DPP10: variants seen among roughly 807,000 people sequenced by gnomAD.
The protein encoded by DPP10 is dipeptidyl peptidase like 10.
A neutral mutation model predicts 120.9 loss-of-function variants in DPP10; 33 were observed. The observed-to-expected ratio is 0.27, with a 90% CI of 0.21 to 0.37. The LOEUF (loss-of-function observed/expected upper bound fraction) is 0.37, where lower values mean the gene tolerates loss of function less well. Among genes scored for constraint, DPP10 ranks in the 10% least tolerant of loss-of-function variants. The pLI is 1.00. For missense variants in DPP10, 816 were observed against 942.8 expected (o/e 0.87, Z 1.76); for synonymous variants, 337 against 326.1 (o/e 1.03, Z -0.36).
intron 1 of DPP10, among the ~76,000 whole-genome samples, chr2:114,876,287 C>T (rs1374378757): frequency 6.6e-6 from 1 of 152,018 alleles, no homozygotes. Flanking sequence ...GCAGGAAAAG[C>T]CACAGAGCAG....
chr2:115,645,282 C>T (rs937980632), intron 5 of DPP10, among the ~76,000 whole-genome samples: 1 of 152,138 alleles, frequency 6.6e-6, no homozygotes, highest in East Asian at 1.9e-4. Flanking sequence ...CAGTTACCAA[C>T]ATTGAATATT....
chr2:115,676,028 G>A (rs1333887734), intron 5 of DPP10, among the ~76,000 whole-genome samples: 1 of 152,128 alleles, frequency 6.6e-6, no homozygotes, highest in Non-Finnish European at 1.5e-5. Context: ...GCACAGTGAG[G>A]AAGCTTTCCC....
At chr2:114,718,105 C>T (rs1218756398) in intron 1 of DPP10, among the ~76,000 whole-genome samples, 1 of 151,676 alleles carries the variant, frequency 6.6e-6, no homozygotes, top group Non-Finnish European at 1.5e-5. Flanking sequence ...AACAGGGACT[C>T]CATAGTTCAA....
At chr2:115,040,400 A>G (rs1333786488) in intron 1 of DPP10, among the ~76,000 whole-genome samples, 1 of 152,162 alleles carries the variant, frequency 6.6e-6, no homozygotes, top group Non-Finnish European at 1.5e-5. Flanking sequence ...AAATATTTCT[A>G]AAAGTTTGAA....
chr2:115,377,001 A>G (rs368058234), intron 3 of DPP10, among the ~76,000 whole-genome samples: 3 of 149,958 alleles, frequency 2.0e-5, no homozygotes, highest in East Asian at 3.9e-4. Context: ...GAATAATGCC[A>G]CAATAAACAT....
At chr2:115,043,415 C>G (rs1269191669) in intron 1 of DPP10, among the ~76,000 whole-genome samples, 1 of 152,074 alleles carries the variant, frequency 6.6e-6, no homozygotes, top group African/African-American at 2.4e-5. Context: ...TTTCAAAGTA[C>G]CCTCATCACA....
intron 1 of DPP10, among the ~76,000 whole-genome samples, chr2:114,745,286 C>A (rs923370766): frequency 1.3e-5 from 2 of 152,158 alleles, no homozygotes; most frequent in Non-Finnish European, 2.9e-5. Flanking sequence ...GGAGGAGGTA[C>A]CTGCCTCATG....
intron 1 of DPP10, among the ~76,000 whole-genome samples, chr2:114,927,024 T>C (rs1158893138): frequency 2.0e-5 from 3 of 151,874 alleles, no homozygotes; most frequent in African/African-American, 7.3e-5. Flanking sequence ...TAATTTTTTG[T>C]ATTTTTAGTA....
At chr2:115,163,814 G>T (rs796401435) in intron 1 of DPP10, among the ~76,000 whole-genome samples, 8 of 152,268 alleles carry the variant, frequency 5.3e-5, no homozygotes, top group African/African-American at 1.9e-4. Flanking sequence ...ACAGTTCAGT[G>T]ATGGTGGAAG....
At chr2:115,688,054 G>A (rs909880895) in intron 5 of DPP10, among the ~76,000 whole-genome samples, 6 of 151,668 alleles carry the variant, frequency 4.0e-5, no homozygotes, top group Admixed American at 1.3e-4. Flanking sequence ...GAGAGAGAGA[G>A]AAAATATTGA....
intron 1 of DPP10, among the ~76,000 whole-genome samples, chr2:114,891,033 C>T (rs870598): frequency 0.35 from 53,545 of 152,000 alleles, 10,499 homozygotes; most frequent in South Asian, 0.49. Flanking sequence ...AAATTGCATC[C>T]TAATGACAGA....
Position 115,341,013 on chromosome 2 carries a change from A to G in DPP10, c.176-2804A>G, listed in dbSNP as rs567433658. Among the ~76,000 whole-genome samples, 13 of 152,248 alleles carry G rather than the reference A, an allele frequency of 8.5e-5. 1 individual carries two copies. The South Asian group carries it at 2.1e-3, about 24-fold the overall frequency. On this transcript the variant is annotated intron_variant, in intron 2 of 25. Transcript: ENST00000410059. ...TTTAAAAATTTTGAAACTTATCTAT[A>G]TCAAACTTTTGTTTTATTGAGATAC... is the stretch of plus-strand genomic sequence containing the variant.
chr2:114,757,810 C>T (rs1679923197), intron 1 of DPP10, among the ~76,000 whole-genome samples: 1 of 152,092 alleles, frequency 6.6e-6, no homozygotes. Context: ...CACGTGTTTC[C>T]GATGTGTCCT....
intron 5 of DPP10, among the ~76,000 whole-genome samples, chr2:115,682,023 C>T (rs530028244): frequency 6.6e-6 from 1 of 151,966 alleles, no homozygotes; most frequent in South Asian, 2.1e-4. Flanking sequence ...TTCATCCTTA[C>T]AATTCTAGTT....
At chr2:114,703,314 T>C (rs1341932591) in intron 1 of DPP10, among the ~76,000 whole-genome samples, 4 of 152,188 alleles carry the variant, frequency 2.6e-5, no homozygotes. Context: ...GAAACAAATA[T>C]ACTTTTTAAA....
At position 114,876,299 on chromosome 2, in the gene DPP10, G is replaced by A. The variant is rs191363902; in HGVS notation, c.61-432940G>A. Reference sequence around the variant, plus strand: ...AGAGCAGGAAAAGCCACAGAGCAGAGCAGATGGGGAATAAAGTTCTTTGTT... The same window carrying A: ...AGAGCAGGAAAAGCCACAGAGCAGAACAGATGGGGAATAAAGTTCTTTGTT... On this transcript the variant is annotated intron_variant, in intron 1 of 25. Coordinates refer to ENST00000410059, the MANE Select transcript of DPP10 (RefSeq NM_020868.6). Among the ~76,000 whole-genome samples, 345 of 152,164 alleles carry A rather than the reference G, an allele frequency of 2.3e-3. 7 individuals carry two copies. Among genetic ancestry groups the A allele is most frequent in the East Asian group, 3.9e-4 (2 of 5,172 alleles).
chr2:115,178,030 C>T (rs191345446), intron 1 of DPP10, among the ~76,000 whole-genome samples: 154 of 152,256 alleles, frequency 1.0e-3, no homozygotes, highest in African/African-American at 3.7e-3. Context: ...CCCAAAGTGA[C>T]ATTGCTTTTT....
At chr2:114,711,554 T>G (rs1370257672) in intron 1 of DPP10, among the ~76,000 whole-genome samples, 3 of 152,208 alleles carry the variant, frequency 2.0e-5, no homozygotes, top group African/African-American at 7.2e-5. Context: ...AAGACTGTTG[T>G]AAGCATTAAA....
chr2:115,398,631 G>A (rs1255829351), intron 3 of DPP10, among the ~76,000 whole-genome samples: 1 of 151,566 alleles, frequency 6.6e-6, no homozygotes, highest in Non-Finnish European at 1.5e-5. Context: ...AATAGTCTAT[G>A]GTGTCCTAGA....
Sources: allele counts gnomAD v4.1 joint callset (sites outside exome capture counted in the v4.1 genomes callset), GRCh38; gene constraint gnomAD v4.1.1; transcripts MANE v1.5; gene names NCBI Gene and HGNC (gene_info 2026-07-23, HGNC 2026-07-21).